Variants in ANO10 observed in about 807,000 individuals in gnomAD.
ANO10 encodes anoctamin 10.
Under a neutral mutation model 74.7 loss-of-function variants are expected in ANO10, and 77 were observed. That is an observed-to-expected ratio of 1.03 (90% CI 0.86 to 1.25). The LOEUF (loss-of-function observed/expected upper bound fraction) is 1.25. Among genes scored for constraint, ANO10 ranks in the 50% most tolerant of loss-of-function variants. The pLI is 0.00. For missense variants in ANO10, 721 were observed against 778.1 expected, an observed-to-expected ratio of 0.93 and a Z score of 0.87; for synonymous variants, 279 against 284.9, an observed-to-expected ratio of 0.98 and a Z score of 0.21.
chr3:43,442,736 C>A (rs1396719426), intron 11 of ANO10, among the ~76,000 whole-genome samples: 7 of 152,180 alleles, frequency 4.6e-5, no homozygotes, highest in African/African-American at 1.7e-4. Context: ...CAGTCTCTGT[C>A]ACAATTACTC....
intron 2 of ANO10, among the ~76,000 whole-genome samples, chr3:43,604,967 T>C (rs1358273505): frequency 1.4e-5 from 2 of 146,796 alleles, no homozygotes; most frequent in African/African-American, 5.2e-5. Context: ...ATAGTAACAG[T>C]TTTTTTTTTA....
intron 11 of ANO10, among the ~76,000 whole-genome samples, chr3:43,520,986 T>C (rs1007094248): frequency 6.6e-6 from 1 of 152,352 alleles, no homozygotes; most frequent in African/African-American, 2.4e-5. Context: ...TACAATTCAT[T>C]TTTGTACATT....
At chr3:43,420,899 G>A (rs1333818762) in intron 12 of ANO10, among the ~76,000 whole-genome samples, 2 of 152,170 alleles carry the variant, frequency 1.3e-5, no homozygotes, top group African/African-American at 4.8e-5. Flanking sequence ...CTTTAAATTC[G>A]ATGATGCCAA....
At chr3:43,420,746 G>GA (rs902394541) in intron 12 of ANO10, among the ~76,000 whole-genome samples, 16 of 152,010 alleles carry the variant, frequency 1.1e-4, no homozygotes, top group Admixed American at 9.8e-4. Context: ...CTTAATAGTT[G>GA]AAAAAAGGCA....
chr3:43,689,827 C>T (rs1223213779), intron 1 of ANO10, among the ~76,000 whole-genome samples: 3 of 152,098 alleles, frequency 2.0e-5, no homozygotes, highest in Non-Finnish European at 4.4e-5. Flanking sequence ...TTAATATATT[C>T]GCGTAGGATC....
chr3:43,678,683 C>T (rs548059641), intron 1 of ANO10, among the ~76,000 whole-genome samples: 8 of 152,252 alleles, frequency 5.3e-5, no homozygotes, highest in Admixed American at 6.5e-5. Context: ...CAGGAATCTT[C>T]GAATGCCCCT....
intron 1 of ANO10, among the ~76,000 whole-genome samples, chr3:43,643,960 A>G (rs2083700777): frequency 6.6e-6 from 1 of 152,098 alleles, no homozygotes; most frequent in African/African-American, 2.4e-5. Context: ...CTGGGATTAC[A>G]TGCGTGAGCC....
chr3:43,661,630 G>C (rs2083927628), intron 1 of ANO10, among the ~76,000 whole-genome samples: 1 of 152,094 alleles, frequency 6.6e-6, no homozygotes, highest in Non-Finnish European at 1.5e-5. Flanking sequence ...AAAGAGTCAA[G>C]ACCCATAGGT....
intron 1 of ANO10, among the ~76,000 whole-genome samples, chr3:43,653,895 T>C (rs368083315): frequency 6.6e-6 from 1 of 151,390 alleles, no homozygotes; most frequent in Non-Finnish European, 1.5e-5. Context: ...ACTTAATACA[T>C]GTCAGTGAGA....
intron 12 of ANO10, among the ~76,000 whole-genome samples, chr3:43,386,656 T>TGTGTGTAC (rs2092128706): frequency 7.3e-6 from 1 of 136,282 alleles, no homozygotes; most frequent in African/African-American, 2.5e-5. Flanking sequence ...TACGTGTGTG[T>TGTGTGTAC]GTGTGTGTGT....
intron 11 of ANO10, among the ~76,000 whole-genome samples, chr3:43,545,969 T>C (rs1042741592): frequency 6.6e-6 from 1 of 152,226 alleles, no homozygotes; most frequent in Non-Finnish European, 1.5e-5. Flanking sequence ...CAAGACCAGA[T>C]GGCATTCAGC....
intron 4 of ANO10, among the ~76,000 whole-genome samples, chr3:43,584,127 A>G (rs1372309293): frequency 6.6e-6 from 1 of 152,218 alleles, no homozygotes; most frequent in East Asian, 1.9e-4. Flanking sequence ...CTTAGACCAC[A>G]TGAAAACAGG....
At chr3:43,511,084 A>C (rs1045282322) in intron 11 of ANO10, among the ~76,000 whole-genome samples, 26 of 152,224 alleles carry the variant, frequency 1.7e-4, no homozygotes, top group African/African-American at 6.3e-4. Flanking sequence ...AACATTCAAA[A>C]TTTCATGCTC....
chr3:43,568,123 A>G (rs1200110684), intron 7 of ANO10, among the ~76,000 whole-genome samples: 1 of 151,686 alleles, frequency 6.6e-6, no homozygotes, highest in Non-Finnish European at 1.5e-5. Context: ...CAATTCGACA[A>G]GAAGAGCTAA....
At chr3:43,612,138 TTTTATATATATATA>T (rs1417349366) in intron 1 of ANO10, among the ~76,000 whole-genome samples, 69 of 89,212 alleles carry the variant, frequency 7.7e-4, no homozygotes, top group African/African-American at 3.1e-3. Context: ...AAATTAAATA[TTTTATATATATATA>T]TATATATATA....
intron 1 of ANO10, among the ~76,000 whole-genome samples, chr3:43,647,277 G>C (rs1387217868): frequency 1.3e-5 from 2 of 151,578 alleles, no homozygotes; most frequent in African/African-American, 4.8e-5. Context: ...GAAATCTCAT[G>C]ATCTGCTGTC....
At chr3:43,401,378 T>A (rs1485104904) in intron 12 of ANO10, among the ~76,000 whole-genome samples, 1 of 151,940 alleles carries the variant, frequency 6.6e-6, no homozygotes, top group Non-Finnish European at 1.5e-5. Context: ...AATCACTCTA[T>A]GTAAAGATAC....
At chr3:43,566,033 G>C (rs543487038) in intron 7 of ANO10, among the ~76,000 whole-genome samples, 1 of 152,330 alleles carries the variant, frequency 6.6e-6, no homozygotes, top group African/African-American at 2.4e-5. Flanking sequence ...GAAGCGCAAG[G>C]GGTCAGGGAG....
chr3:43,485,053 G>C (rs1236451490), intron 11 of ANO10: 3 of 1,359,058 alleles, frequency 2.2e-6, no homozygotes, highest in African/African-American at 2.9e-5. Context: ...GCAGGAACTT[G>C]ATCTTGGAGT....
Sources: gnomAD v4.1 joint callset for allele counts (sites outside exome capture counted in the v4.1 genomes callset) on GRCh38, gnomAD v4.1.1 for gene constraint, MANE v1.5 for transcripts, NCBI Gene and HGNC (gene_info 2026-07-23, HGNC 2026-07-21) for gene names.